NOP53: variants seen among roughly 807,000 people sequenced by gnomAD.
NOP53 encodes ribosome biogenesis protein NOP53.
A neutral mutation model predicts 61.0 loss-of-function variants in NOP53; 40 were observed. That is an observed-to-expected ratio of 0.66 (90% CI 0.51 to 0.85). NOP53 has a LOEUF of 0.85. Among genes scored for constraint, NOP53 ranks in the 40% least tolerant of loss-of-function variants. The pLI is 0.00. For synonymous variants in NOP53, 308 were observed against 289.5 expected, an observed-to-expected ratio of 1.06 and a Z score of -0.65; for missense variants, 689 against 652.9, an observed-to-expected ratio of 1.06 and a Z score of -0.60.
intron 4 of NOP53, 75 bp downstream of exon 4, chr19:47,751,182 G>C: frequency 7.6e-7 from 1 of 1,318,124 alleles, no homozygotes; most frequent in Non-Finnish European, 1.1e-6. Context: ...TGCACTGCAC[G>C]AGAGTACAGT....
chr19:47,756,749 G>A lies in NOP53; in HGVS notation c.1430+5G>A, dbSNP rs774742395. ...GCGGGCGTTCCGTGAGATCCAGTGA[G>A]TCCACCCGGCTTCGGCGCAAGGAAG... On this transcript the variant is annotated splice_donor_5th_base_variant and intron_variant, in intron 12 of 12. Transcript: ENST00000246802. 3 of 1,613,248 alleles carry A rather than the reference G, an allele frequency of 1.9e-6. No individual in the cohort carries two copies. Among genetic ancestry groups the A allele is most frequent in the Non-Finnish European group, 2.5e-6 (3 of 1,179,886 alleles).
chr19:47,754,484 C>A lies in NOP53; in HGVS notation c.766-43C>A. 7.1e-7 allele frequency: 1 copy of A among 1,403,660 alleles called. No homozygotes were observed. Among genetic ancestry groups the A allele is most frequent in the South Asian group, 1.2e-5 (1 of 80,890 alleles). The allele number at this position is 1,403,660 out of a possible 1,614,324, so 87.0% of individuals were successfully genotyped here. On this transcript the variant is annotated intron_variant, in intron 6 of 12. Transcript: ENST00000246802. The surrounding 1 kb of genome is among the most constrained non-coding windows in gnomAD (Gnocchi z 4.2). ...AGGTAAGAGGGTCTAGTCTCAGTGTCCCAGGAGGGGTTCAGGGACCCATCC... is the reference window on the plus strand; with the variant it reads ...AGGTAAGAGGGTCTAGTCTCAGTGTACCAGGAGGGGTTCAGGGACCCATCC...
intron 1 of NOP53, 81 bp downstream of exon 1, chr19:47,745,864 GGGGGTC>G: frequency 1.9e-5 from 1 of 53,482 alleles, no homozygotes; most frequent in African/African-American, 6.8e-4. Context: ...TGGACTCGTC[GGGGGTC>G]GGGGGTCGGG....
chr19:47,748,603 G>A lies in NOP53; in HGVS notation c.289+1572G>A, dbSNP rs181306367. Among the ~76,000 whole-genome samples, 400 of 152,198 alleles carry A rather than the reference G, an allele frequency of 2.6e-3. 2 individuals carry two copies. Among genetic ancestry groups the A allele is most frequent in the Non-Finnish European group, 2.8e-3 (190 of 68,004 alleles). On this transcript the variant is annotated intron_variant, in intron 2 of 12. Transcript: ENST00000246802. ...ACTTCCAATAGGCAGGTAAAAAGTG[G>A]TTATTAGAGTCTGGGTGCAGTGGCC...
intron 2 of NOP53, among the ~76,000 whole-genome samples, 179 bp downstream of exon 2, chr19:47,747,210 G>A (rs544169747): frequency 6.6e-6 from 1 of 152,268 alleles, no homozygotes; most frequent in Non-Finnish European, 1.5e-5. Flanking sequence ...GACGAACTTA[G>A]AGAAGGCAGG....
chr19:47,752,650 C>A, intron 6 of NOP53, 43 bp downstream of exon 6: 1 of 1,227,534 alleles, frequency 8.1e-7, no homozygotes, highest in Non-Finnish European at 1.2e-6. Context: ...TGGGCTCTGC[C>A]TCTTGGTCAG....
chr19:47,752,382 C>G (rs923424718), intron 5 of NOP53, 130 bp from the exon 6 acceptor site: 5 of 631,152 alleles, frequency 7.9e-6, no homozygotes, highest in African/African-American at 3.6e-5. Context: ...CTGGAGTCAC[C>G]TGAATGCCCC....
Position 47,754,323 on chromosome 19 carries a change from T to C in NOP53, c.766-204T>C. The stretch of plus-strand genomic sequence containing the variant: ...GCAGGTCAGACTGCCTTCACAGACG[T>C]GCAGAGCAGGTGTGAGGGCGAGGGT... On this transcript the variant is annotated intron_variant, in intron 6 of 12. Coordinates refer to ENST00000246802, the MANE Select transcript of NOP53 (RefSeq NM_015710.5). This position sits in a 1 kb window ranked among gnomAD's most constrained non-coding sequence, Gnocchi z 4.2. 3 of 578,866 alleles carry C rather than the reference T, an allele frequency of 5.2e-6. No individual in the cohort carries two copies. Among genetic ancestry groups the C allele is most frequent in the South Asian group, 4.3e-5 (2 of 46,548 alleles). 35.9% of individuals were successfully genotyped at this position (578,866 alleles called of 1,614,324 possible).
Position 47,754,666 on chromosome 19 carries a change from C to A in NOP53, c.870+35C>A, listed in dbSNP as rs776936802. Reference sequence around the variant, plus strand: ...GCACCTGCCCACTCCCTCCCCTCCCCGGGCCTCCTACCCACCCCTGACACT... The same window carrying A: ...GCACCTGCCCACTCCCTCCCCTCCCAGGGCCTCCTACCCACCCCTGACACT... On this transcript the variant is annotated intron_variant, in intron 7 of 12. Transcript: ENST00000246802. The surrounding 1 kb of genome is among the most constrained non-coding windows in gnomAD (Gnocchi z 4.2). 6.5e-7 allele frequency: 1 copy of A among 1,542,536 alleles called. No homozygotes were observed. The highest frequency in any genetic ancestry group is 8.8e-7 in the Non-Finnish European group (1 of 1,141,792).
chr19:47,752,327 A>T (rs768766722), intron 5 of NOP53, among the ~76,000 whole-genome samples, 185 bp from the exon 6 acceptor site: 1 of 152,098 alleles, frequency 6.6e-6, no homozygotes, highest in African/African-American at 2.4e-5. Context: ...CCTCGTGGGT[A>T]GCAGAGGATA....
In NOP53 at chr19:47,751,554, G is replaced by A. The variant is rs769457075; in HGVS notation, c.633G>A (p.Glu211=). Residue 211 remains glutamate, a synonymous_variant, in exon 5 of 13, where the codon GAG becomes GAA. Transcript: ENST00000246802. ...PLDRPLVGQD[E]FFLEQTKKKG... ...ACAGGCCGTTGGTTGGCCAGGATGA[G>A]TTTTTCCTGGAGCAGACCAAGAAGA... 3.1e-6 allele frequency: 5 copies of A among 1,614,034 alleles called. No individual in the cohort carries two copies. Among genetic ancestry groups the A allele is most frequent in the South Asian group, 1.1e-5 (1 of 91,084 alleles).
Position 47,746,850 on chromosome 19 carries a change from C to A in NOP53, c.225-117C>A, listed in dbSNP as rs141593127. Reference sequence around the variant, plus strand: ...TGTAAACTGCTGGGCGAAGCCTTAGCCTGGAAGAGTCCGGTGGCGGGACTT... The same window carrying A: ...TGTAAACTGCTGGGCGAAGCCTTAGACTGGAAGAGTCCGGTGGCGGGACTT... On this transcript the variant is annotated intron_variant, in intron 1 of 12. Coordinates refer to ENST00000246802, the MANE Select transcript of NOP53 (RefSeq NM_015710.5). The A allele has an allele frequency of 3.4e-5, 28 of 813,348 alleles. No homozygotes were observed. The East Asian group carries it at 6.7e-4, about 19-fold the overall frequency. 50.4% of individuals were successfully genotyped at this position (813,348 alleles called of 1,614,324 possible).
chr19:47,747,671 C>A, intron 2 of NOP53, among the ~76,000 whole-genome samples: 1 of 150,404 alleles, frequency 6.6e-6, no homozygotes, highest in Admixed American at 6.6e-5. Context: ...GGCTGGAGTA[C>A]AGTGGTGTGA....
intron 9 of NOP53, 96 bp downstream of exon 9, chr19:47,755,619 C>G (rs905068908): frequency 3.0e-6 from 4 of 1,350,098 alleles, no homozygotes. Flanking sequence ...CTGCCCACCC[C>G]CCCCATCGGG....
At position 47,756,925 on chromosome 19, in the gene NOP53, G is replaced by A; in HGVS notation, c.1431-74G>A. The A allele has an allele frequency of 2.5e-6, 4 of 1,592,858 alleles. No individual in the cohort carries two copies. The East Asian group carries it at 8.9e-5, about 36-fold the overall frequency. ...AGGGTCCCCAAAGGGAAACTGAAAG[G>A]CAGGGGGTGTCAGGTCGGCAGGGGG... On this transcript the variant is annotated intron_variant, in intron 12 of 12. Transcript: ENST00000246802.
At position 47,746,122 on chromosome 19, in the gene NOP53, GTGTGTGTATATATA is replaced by G. The variant is rs995610693; in HGVS notation, c.224+345_224+358del. On this transcript the variant is annotated intron_variant, in intron 1 of 12. Transcript: ENST00000246802. ...TATGTGTGTGTGTGTATGTATATAT[GTGTGTGTATATATA>G]TGTGTATATGTGTGTATATATATAT... is the stretch of plus-strand genomic sequence containing the variant. 3 of 324,410 alleles carry G rather than the reference GTGTGTGTATATATA, an allele frequency of 9.2e-6. No individual in the cohort carries two copies. In the Admixed American group the frequency reaches 1.4e-4, roughly 15 times the overall value. The allele number at this position is 324,410 out of a possible 1,614,324, so 20.1% of individuals were successfully genotyped here.
Position 47,755,439 on chromosome 19 carries a change from TGGCGGAGCTGGCGCGGCGGCAGAGGC to T in NOP53, c.1151_1176del (p.Glu384AlafsTer7), listed in dbSNP as rs775737075. ...ATCAAGGCCCAGGTGGCCCTGAGGC[TGGCGGAGCTGGCGCGGCGGCAGAGGC>T]GGCGGCAGGCGCGGCGGGAGGCTGA... On this transcript the variant is annotated frameshift_variant, in exon 9 of 13. Coordinates refer to ENST00000246802, the MANE Select transcript of NOP53 (RefSeq NM_015710.5). LOFTEE classifies it high-confidence loss of function. The T allele has an allele frequency of 3.9e-6, 6 of 1,522,102 alleles. No homozygotes were observed. The South Asian group carries it at 7.4e-5, about 19-fold the overall frequency. The allele number at this position is 1,522,102 out of a possible 1,614,324, so 94.3% of individuals were successfully genotyped here. A position where few individuals can be genotyped will look rare whatever the true frequency, so the allele number is the denominator to read the frequency against.
At chr19:47,752,096 A>G (rs371594612) in intron 5 of NOP53, among the ~76,000 whole-genome samples, 36 of 151,518 alleles carry the variant, frequency 2.4e-4, no homozygotes, top group Non-Finnish European at 4.6e-4. Context: ...AACAAGAGCG[A>G]AACTCTGTCT....
At chr19:47,751,719 C>T in intron 5 of NOP53, 129 bp downstream of exon 5, 2 of 746,806 alleles carry the variant, frequency 2.7e-6, no homozygotes, top group South Asian at 1.6e-5. Flanking sequence ...TGTGCTGGAG[C>T]CAGGTGGCTG....
Sources: allele counts gnomAD v4.1 joint callset (sites outside exome capture counted in the v4.1 genomes callset), GRCh38; gene constraint gnomAD v4.1.1; non-coding constraint Gnocchi (gnomAD v3.1); transcripts MANE v1.5; gene names NCBI Gene and HGNC (gene_info 2026-07-23, HGNC 2026-07-21).